Variants in NTNG2 observed in about 807,000 individuals in gnomAD.
The protein encoded by NTNG2 is netrin G2, also known as netrin-G2.
In NTNG2, 15 loss-of-function variants were observed where a neutral mutation model predicts 47.6. The ratio of observed to expected loss-of-function variants is 0.32; its 90% CI spans 0.21 to 0.49. NTNG2 has a LOEUF of 0.49. NTNG2 is among the 20% of genes least tolerant of loss of function. The pLI, the probability that NTNG2 is intolerant of heterozygous loss-of-function variation, is 0.99. For missense variants in NTNG2, 578 were observed against 764.6 expected, an observed-to-expected ratio of 0.76 and a Z score of 2.88; for synonymous variants, 307 against 324.6, an observed-to-expected ratio of 0.95 and a Z score of 0.58.
At position 132,240,968 on chromosome 9, in the gene NTNG2, C is replaced by T. The variant is rs1250317573; in HGVS notation, c.1281C>T (p.Cys427=). ...VHDRCNETGF[C]ECREGAAGPK... is the part of the protein sequence containing the mutation. ...ACCGGTGCAACGAGACCGGCTTCTG[C>T]GAGTGCCGCGAGGGCGCGGCGGGCC... Residue 427 remains cysteine (C), a synonymous_variant, in exon 7 of 8, where the codon TGC becomes TGT. Coordinates refer to ENST00000393229, the MANE Select transcript of NTNG2 (RefSeq NM_032536.4). 3.1e-6 allele frequency: 5 copies of T among 1,611,814 alleles called. No homozygotes were observed. The highest frequency in any genetic ancestry group is 4.2e-6 in the Non-Finnish European group (5 of 1,179,704).
At position 132,231,321 on chromosome 9, in the gene NTNG2, T is replaced by A. The variant is rs1352568599; in HGVS notation, c.1054+726T>A. The A allele has an allele frequency of 2.2e-6, 1 of 455,748 alleles. No homozygotes were observed. The highest frequency in any genetic ancestry group is 2.4e-5 in the Admixed American group (1 of 42,524). The allele number at this position is 455,748 out of a possible 1,614,324, so 28.2% of individuals were successfully genotyped here. A position where few individuals can be genotyped will look rare whatever the true frequency, so the allele number is the denominator to read the frequency against. ...CTTGCAAACCCCTCCCCCTGGGAGG[T>A]CGCCATCTGCTCTGCGAGGCAGCAG... is the stretch of plus-strand genomic sequence containing the variant. On this transcript the variant is annotated intron_variant, in intron 5 of 7. Coordinates refer to ENST00000393229, the MANE Select transcript of NTNG2 (RefSeq NM_032536.4). This position sits in a 1 kb window ranked among gnomAD's most constrained non-coding sequence, Gnocchi z 4.1.
At chr9:132,181,408 C>T (rs1475958533) in intron 2 of NTNG2, among the ~76,000 whole-genome samples, 2 of 151,720 alleles carry the variant, frequency 1.3e-5, no homozygotes, top group African/African-American at 4.8e-5. Flanking sequence ...GCAACCTCCA[C>T]CTCCCAAGTT....
intron 5 of NTNG2, 26 bp downstream of exon 5, chr9:132,230,621 C>A: frequency 1.2e-6 from 2 of 1,600,060 alleles, no homozygotes; most frequent in Middle Eastern, 1.7e-4. Context: ...GGGAGGGTGG[C>A]CAGGGCCCCC....
intron 4 of NTNG2, among the ~76,000 whole-genome samples, chr9:132,227,604 G>C (rs1840875011): frequency 6.6e-6 from 1 of 152,142 alleles, no homozygotes. Flanking sequence ...GCAACCCCTG[G>C]GAACTGAGCT....
intron 1 of NTNG2, among the ~76,000 whole-genome samples, chr9:132,164,532 C>T (rs557840834): frequency 1.3e-5 from 2 of 152,348 alleles, no homozygotes; most frequent in Non-Finnish European, 2.9e-5. Context: ...TAATTAGGAA[C>T]GTGCTGTGCT....
In NTNG2 at chr9:132,198,276, T is replaced by C; in HGVS notation, c.524T>C (p.Phe175Ser). 6.2e-7 allele frequency: 1 copy of C among 1,612,066 alleles called. No homozygotes were observed. The highest frequency in any genetic ancestry group is 1.1e-5 in the South Asian group (1 of 91,028). ...TACGCCGAGGACTGCATGGAGGCCT[T>C]CGGTATGTCCGCCCGCCGGGCCCGC... ...QFYAEDCMEA[F>S]GMSARRARDM... The change falls in exon 3 of 8, where the codon TTC becomes TCC. Residue 175 changes from phenylalanine to serine, a missense_variant. Physicochemically the swap from Phe to Ser is radical, Grantham distance 155. Coordinates refer to ENST00000393229, the MANE Select transcript of NTNG2 (RefSeq NM_032536.4).
At position 132,196,503 on chromosome 9, in the gene NTNG2, G is replaced by A. The variant is rs546707938; in HGVS notation, c.214-1463G>A. ...CACCGCGCCCAGCCTGGGTCTATGG[G>A]TTTTGACTCATTCATAATGGCATGC... On this transcript the variant is annotated intron_variant, in intron 2 of 7. Transcript: ENST00000393229. 4.6e-4 allele frequency among the ~76,000 whole-genome samples: 70 copies of A among 152,192 alleles called. No individual in the cohort carries two copies. In the South Asian group the frequency reaches 0.014, roughly 30 times the overall value.
chr9:132,226,706 G>A lies in NTNG2; in HGVS notation c.858-143G>A. 2 of 618,402 alleles carry A rather than the reference G, an allele frequency of 3.2e-6. No homozygotes were observed. The highest frequency in any genetic ancestry group is 2.4e-5 in the South Asian group (1 of 42,042). 38.3% of individuals were successfully genotyped at this position (618,402 alleles called of 1,614,324 possible). On this transcript the variant is annotated intron_variant, in intron 3 of 7. Coordinates refer to ENST00000393229, the MANE Select transcript of NTNG2 (RefSeq NM_032536.4). The surrounding 1 kb of genome is among the most constrained non-coding windows in gnomAD (Gnocchi z 4.8). The stretch of plus-strand genomic sequence containing the variant: ...GAATCAAGGAGTTTCTGGCCTAAAG[G>A]TTGGGCTGGTGGCCTCCAGGGTTTC...
chr9:132,198,762 G>A (rs1289319085), intron 3 of NTNG2, among the ~76,000 whole-genome samples, 153 bp downstream of exon 3: 2 of 152,046 alleles, frequency 1.3e-5, no homozygotes, highest in Non-Finnish European at 2.9e-5. Context: ...CCTGGTATGT[G>A]ATACATCGTT....
intron 2 of NTNG2, among the ~76,000 whole-genome samples, chr9:132,190,198 A>C (rs1837766657): frequency 7.3e-6 from 1 of 137,156 alleles, no homozygotes; most frequent in Non-Finnish European, 1.5e-5. Flanking sequence ...GCGCCACTGC[A>C]CTCCAGACTG....
chr9:132,228,585 TCTCA>T (rs1212450227), intron 4 of NTNG2, among the ~76,000 whole-genome samples: 1 of 150,196 alleles, frequency 6.7e-6, no homozygotes, highest in African/African-American at 2.5e-5. Context: ...AAGATAAGTC[TCTCA>T]CTCTGTCGTC....
intron 2 of NTNG2, among the ~76,000 whole-genome samples, chr9:132,181,710 C>CTA (rs900277534): frequency 4.6e-5 from 7 of 152,244 alleles, no homozygotes; most frequent in Admixed American, 2.6e-4. Flanking sequence ...TTAACCTAAG[C>CTA]TATAGCTCAT....
At position 132,229,783 on chromosome 9, in the gene NTNG2, C is replaced by T. The variant is rs189853800; in HGVS notation, c.1031-789C>T. 3.9e-3 allele frequency among the ~76,000 whole-genome samples: 594 copies of T among 152,354 alleles called. 18 individuals carry two copies. Among genetic ancestry groups the T allele is most frequent in the Admixed American group, 0.037 (567 of 15,306 alleles). ...GCCCATGGGCCACACATCCCACTGCCAATCCCACAGCGTCCTTTCTCGGGA... is the reference window on the plus strand; with the variant it reads ...GCCCATGGGCCACACATCCCACTGCTAATCCCACAGCGTCCTTTCTCGGGA... On this transcript the variant is annotated intron_variant, in intron 4 of 7. Coordinates refer to ENST00000393229, the MANE Select transcript of NTNG2 (RefSeq NM_032536.4).
At position 132,214,230 on chromosome 9, in the gene NTNG2, A is replaced by AC. The variant is rs530122287; in HGVS notation, c.858-12613dup. Reference sequence around the variant, plus strand: ...CCCTCCTGTCTGGGAGACTCTCCAAACCCCCCGCTCCTCTCTCCCTGGGAG... The same window carrying AC: ...CCCTCCTGTCTGGGAGACTCTCCAAACCCCCCCGCTCCTCTCTCCCTGGGAG... On this transcript the variant is annotated intron_variant, in intron 3 of 7. Transcript: ENST00000393229. Among the ~76,000 whole-genome samples the AC allele has an allele frequency of 3.8e-4, 57 of 151,878 alleles. No homozygotes were observed. In the South Asian group the frequency reaches 4.8e-3, roughly 13 times the overall value.
rs1564407743 is a variant in NTNG2 at position 132,197,986 on chromosome 9, C to T, written c.234C>T (p.Ser78=). ...TGCAGGAGAATCCCTACCTATGCAG[C>T]AACGAGTGTGACGCCTCCAACCCGG... ...FCSHENPYLC[S]NECDASNPDL... Residue 78 remains serine (S), a synonymous_variant, in exon 3 of 8, where the codon AGC becomes AGT. Coordinates refer to ENST00000393229, the MANE Select transcript of NTNG2 (RefSeq NM_032536.4). This position sits in a 1 kb window ranked among gnomAD's most constrained non-coding sequence, Gnocchi z 4.3. 1.9e-6 allele frequency: 3 copies of T among 1,612,904 alleles called. No individual in the cohort carries two copies. The highest frequency in any genetic ancestry group is 1.7e-6 in the Non-Finnish European group (2 of 1,179,802).
chr9:132,187,611 G>A (rs1175320049), intron 2 of NTNG2, among the ~76,000 whole-genome samples: 1 of 151,324 alleles, frequency 6.6e-6, no homozygotes, highest in Admixed American at 6.6e-5. Flanking sequence ...CAGAAAACAA[G>A]AGGGAGGGAG....
chr9:132,199,198 G>T (rs1376379730), intron 3 of NTNG2, among the ~76,000 whole-genome samples: 1 of 152,086 alleles, frequency 6.6e-6, no homozygotes, highest in Admixed American at 6.5e-5. Flanking sequence ...GGCAGAGCTG[G>T]GCTAACTCCT....
chr9:132,230,606 G>A lies in NTNG2; in HGVS notation c.1054+11G>A, dbSNP rs371734389. The A allele has an allele frequency of 2.6e-5, 42 of 1,602,626 alleles. No homozygotes were observed. Among genetic ancestry groups the A allele is most frequent in the Non-Finnish European group, 3.4e-5 (40 of 1,174,790 alleles). On this transcript the variant is annotated intron_variant, in intron 5 of 7. Coordinates refer to ENST00000393229, the MANE Select transcript of NTNG2 (RefSeq NM_032536.4). ...CAGGTTCCTTTGGCAGTAAGTACACGCCTGGGGAGGGTGGCCAGGGCCCCC... is the reference window on the plus strand; with the variant it reads ...CAGGTTCCTTTGGCAGTAAGTACACACCTGGGGAGGGTGGCCAGGGCCCCC...
chr9:132,168,674 C>T (rs888903814), intron 2 of NTNG2, among the ~76,000 whole-genome samples: 9 of 152,122 alleles, frequency 5.9e-5, no homozygotes, highest in Middle Eastern at 3.2e-3. Context: ...CTCTGGAAGC[C>T]AGGAGGAAGG....
Sources: gnomAD v4.1 joint callset for allele counts (sites outside exome capture counted in the v4.1 genomes callset) on GRCh38, gnomAD v4.1.1 for gene constraint, Gnocchi (gnomAD v3.1) non-coding constraint, MANE v1.5 for transcripts, NCBI Gene and HGNC (gene_info 2026-07-23, HGNC 2026-07-21) for gene names.